Variants in DMD observed in about 807,000 individuals in gnomAD.
DMD encodes dystrophin, also known as mutant dystrophin.
DMD carries 63 observed loss-of-function variants against 330.1 expected under a neutral mutation model. That is an observed-to-expected ratio of 0.19 (90% CI 0.16 to 0.24). The LOEUF is 0.24. DMD is among the 10% of genes least tolerant of loss of function. The probability of loss-of-function intolerance (pLI) is 1.00; values close to 1 mark genes in which losing one functional copy is unlikely to be tolerated. For synonymous variants in DMD, 1,223 were observed against 959.8 expected (o/e 1.27, Z -5.07); for missense variants, 3,344 against 2,684.1 (o/e 1.25, Z -5.43).
At position 32,435,243 on chromosome X, in the gene DMD, AAT is replaced by A. The variant is rs1262483065; in HGVS notation, c.4071+2996_4071+2997del. ...ATATATGTATATTTACATATTTTTA[AAT>A]ATATATTTACATATTTTAATATATA... On this transcript the variant is annotated intron_variant, in intron 29 of 78. Coordinates refer to ENST00000357033, the MANE Select transcript of DMD (RefSeq NM_004006.3). Among the ~76,000 whole-genome samples, 405 of 85,313 alleles carry A rather than the reference AAT, an allele frequency of 4.7e-3. 4 individuals carry two copies. The highest frequency in any genetic ancestry group is 0.015 in the African/African-American group (388 of 25,868). The allele number at this position is 85,313 out of a possible 115,157, so 74.1% of individuals were successfully genotyped here.
intron 60 of DMD, among the ~76,000 whole-genome samples, chrX:31,382,286 G>A (rs2060220082): frequency 9.0e-6 from 1 of 111,447 alleles, no homozygotes; most frequent in African/African-American, 3.3e-5. Flanking sequence ...CTGTATGGAC[G>A]CTCCTTTTTA....
rs1437840142 is a variant in DMD, at chrX:31,658,143, T to C, written c.7874A>G (p.Gln2625Arg). 8.3e-7 allele frequency: 1 copy of C among 1,209,521 alleles called. No individual in the cohort carries two copies. Among genetic ancestry groups the C allele is most frequent in the East Asian group, 3.0e-5 (1 of 33,786 alleles). ...AIQKKITETK[Q>R]LAKDLRQWQT... ...CCACTGGCGGAGGTCTTTGGCCAAC[T>C]GCTATAGATTTTTATGAGAAAGAGA... Residue 2625 changes from glutamine (Q) to arginine (R), a missense_variant and splice_region_variant, in exon 54 of 79, where the codon CAG (glutamine) becomes CGG (arginine). Coordinates refer to ENST00000357033, the MANE Select transcript of DMD (RefSeq NM_004006.3).
rs752850356 is a variant in DMD, at chrX:31,794,795, G to A, written c.7310-20603C>T. Among the ~76,000 whole-genome samples the A allele has an allele frequency of 9.1e-5, 10 of 110,003 alleles. No homozygotes were observed. The South Asian group carries it at 3.9e-3, about 43-fold the overall frequency. On this transcript the variant is annotated intron_variant, in intron 50 of 78. Transcript: ENST00000357033. ...CCAATTGTTTAAAAAATGGCCAGAG[G>A]CTTCTACTGGCTTTTAGATGGAGGC...
chrX:31,932,082 T>C lies in DMD; in HGVS notation c.6760A>G (p.Lys2254Glu), dbSNP rs201818335. The stretch of plus-strand genomic sequence containing the variant: ...GGGATTTGAGAAAATAAAATTACCT[T>C]GACTTGCTCAAGCTTTTCTTTTAGT... ...QQLKEKLEQV[K>E]LLVEELPLRQ... The change falls in exon 46 of 79, where the codon AAG (lysine) becomes GAG (glutamate). Residue 2254 changes from lysine to glutamate, a missense_variant and splice_region_variant. By Grantham distance (56) the Lys-to-Glu change is moderately conservative. Transcript: ENST00000357033. The C allele has an allele frequency of 8.3e-7, 1 of 1,211,120 alleles. No homozygotes were observed. The highest frequency in any genetic ancestry group is 1.7e-5 in the African/African-American group (1 of 57,741).
intron 1 of DMD, among the ~76,000 whole-genome samples, chrX:33,041,201 T>TG (rs2094293330): frequency 8.8e-6 from 1 of 113,495 alleles, no homozygotes; most frequent in African/African-American, 3.2e-5. Context: ...TGTTTACCAA[T>TG]GTTCACACCT....
chrX:32,882,597 C>G (rs904211608), intron 2 of DMD, among the ~76,000 whole-genome samples: 10 of 111,913 alleles, frequency 8.9e-5, no homozygotes, highest in African/African-American at 3.2e-4. Context: ...TATAGATATA[C>G]TTCAGTACAA....
intron 11 of DMD, among the ~76,000 whole-genome samples, chrX:32,617,692 A>G (rs948561627): frequency 8.9e-6 from 1 of 111,777 alleles, no homozygotes; most frequent in African/African-American, 3.2e-5. Flanking sequence ...CACAAGCAAC[A>G]AAAGCAAAAA....
At position 31,703,027 on chromosome X, in the gene DMD, T is replaced by G. The variant is rs763819561; in HGVS notation, c.7661-23441A>C. On this transcript the variant is annotated intron_variant, in intron 52 of 78. Coordinates refer to ENST00000357033, the MANE Select transcript of DMD (RefSeq NM_004006.3). ...GCACCACCATGCCCAGCTATTTTTT[T>G]GTATTTTTAGTAGAGATGGGGTTTC... Among the ~76,000 whole-genome samples, 7 of 110,065 alleles carry G rather than the reference T, an allele frequency of 6.4e-5. No homozygotes were observed. The East Asian group carries it at 2.0e-3, about 32-fold the overall frequency.
chrX:32,705,975 C>A (rs2064594495), intron 7 of DMD, among the ~76,000 whole-genome samples: 1 of 108,463 alleles, frequency 9.2e-6, no homozygotes, highest in South Asian at 4.1e-4. Flanking sequence ...TGGAACCAAC[C>A]CAAATGTCCA....
At chrX:32,364,971 T>G (rs2097849429) in intron 35 of DMD, 49 bp downstream of exon 35, 1 of 1,189,608 alleles carries the variant, frequency 8.4e-7, no homozygotes, top group Non-Finnish European at 1.1e-6. Context: ...TTATGTATCT[T>G]TTTCTCGTGA....
At chrX:31,130,961 G>A (rs1045256348) in intron 77 of DMD, among the ~76,000 whole-genome samples, 3 of 111,707 alleles carry the variant, frequency 2.7e-5, no homozygotes, top group Non-Finnish European at 5.6e-5. Flanking sequence ...TAAACCACGC[G>A]GTGGTATTTA....
intron 47 of DMD, among the ~76,000 whole-genome samples, chrX:31,880,238 G>A (rs761961509): frequency 1.4e-4 from 16 of 111,722 alleles, no homozygotes; most frequent in African/African-American, 2.9e-4. Context: ...AAATATTGGC[G>A]TGGGGAAGCC....
At chrX:33,317,379 T>A (rs1376520565) in intron 1 of DMD, among the ~76,000 whole-genome samples, 1 of 111,930 alleles carries the variant, frequency 8.9e-6, no homozygotes, top group Non-Finnish European at 1.9e-5. Context: ...CTACAATATA[T>A]TTCTGCAATA....
At position 32,402,264 on chromosome X, in the gene DMD, C is replaced by A. The variant is rs909079726; in HGVS notation, c.4233+9488G>T. ...AATGGAGTGAAAAAGTTGATGGTAA[C>A]CTTAAATTATCTTTTTAAATATATA... On this transcript the variant is annotated intron_variant, in intron 30 of 78. Coordinates refer to ENST00000357033, the MANE Select transcript of DMD (RefSeq NM_004006.3). 2.4e-4 allele frequency among the ~76,000 whole-genome samples: 27 copies of A among 111,201 alleles called. No individual in the cohort carries two copies. The Admixed American group carries it at 2.5e-3, about 10-fold the overall frequency.
intron 2 of DMD, among the ~76,000 whole-genome samples, chrX:32,865,372 G>A (rs2082400408): frequency 9.0e-6 from 1 of 111,442 alleles, no homozygotes; most frequent in African/African-American, 3.3e-5. Context: ...TATCTTCACT[G>A]GAGAGAACAA....
chrX:33,183,218 C>A (rs2148751366), intron 1 of DMD, among the ~76,000 whole-genome samples: 1 of 111,867 alleles, frequency 8.9e-6, no homozygotes, highest in South Asian at 3.7e-4. Context: ...CCTTTGGTAA[C>A]AATCACTCTC....
At chrX:31,322,449 T>C (rs1376207172) in intron 62 of DMD, among the ~76,000 whole-genome samples, 1 of 112,111 alleles carries the variant, frequency 8.9e-6, no homozygotes, top group African/African-American at 3.2e-5. Flanking sequence ...ATATGAAAAC[T>C]AAAAAGCAGA....
chrX:33,108,881 A>AAAG (rs1181559628), intron 1 of DMD, among the ~76,000 whole-genome samples: 2 of 99,689 alleles, frequency 2.0e-5, no homozygotes, highest in Non-Finnish European at 4.1e-5. Context: ...AAAAAAAAAA[A>AAAG]AAGAAGAAGA....
At chrX:32,099,622 C>T (rs1157580860) in intron 44 of DMD, among the ~76,000 whole-genome samples, 4 of 107,727 alleles carry the variant, frequency 3.7e-5, no homozygotes, top group Non-Finnish European at 7.7e-5. Flanking sequence ...ATACATCATT[C>T]TCAGTAAACT....
Sources: gnomAD v4.1 joint callset for allele counts (sites outside exome capture counted in the v4.1 genomes callset) on GRCh38, gnomAD v4.1.1 for gene constraint, MANE v1.5 for transcripts, NCBI Gene and HGNC (gene_info 2026-07-23, HGNC 2026-07-21) for gene names.